The following PHACTR2 variants were observed in gnomAD, a reference collection of about 807,000 sequenced individuals.
The protein encoded by PHACTR2 is chromosome 6 open reading frame 56.
A neutral mutation model predicts 76.0 loss-of-function variants in PHACTR2; 30 were observed. The ratio of observed to expected loss-of-function variants is 0.39; its 90% CI spans 0.30 to 0.54. PHACTR2 has a LOEUF of 0.54. Ranked by LOEUF, PHACTR2 falls within the 20% of genes least tolerant of loss-of-function variation. The pLI is 0.61. For missense variants in PHACTR2, 696 were observed against 781.1 expected, an observed-to-expected ratio of 0.89 and a Z score of 1.30; for synonymous variants, 292 against 292.5, an observed-to-expected ratio of 1.00 and a Z score of 0.02.
At chr6:143,638,646 T>C (rs1421312422) in intron 1 of PHACTR2, among the ~76,000 whole-genome samples, 2 of 151,658 alleles carry the variant, frequency 1.3e-5, no homozygotes, top group Non-Finnish European at 2.9e-5. Context: ...ATATTAAGCA[T>C]TAAACACCCC....
chr6:143,736,315 A>AC (rs139290172), intron 2 of PHACTR2, among the ~76,000 whole-genome samples: 20,315 of 152,054 alleles, frequency 0.13, 1,506 homozygotes, highest in Middle Eastern at 0.21. Flanking sequence ...AAGTTAGGTA[A>AC]TCACCCTAAG....
At chr6:143,758,662 C>T (rs1167630153) in intron 4 of PHACTR2, among the ~76,000 whole-genome samples, 1 of 152,088 alleles carries the variant, frequency 6.6e-6, no homozygotes, top group African/African-American at 2.4e-5. Flanking sequence ...TACAAAATAG[C>T]TTCTGATAAA....
At chr6:143,636,353 A>G (rs1776454962) in intron 1 of PHACTR2, among the ~76,000 whole-genome samples, 2 of 152,012 alleles carry the variant, frequency 1.3e-5, no homozygotes, top group Non-Finnish European at 2.9e-5. Context: ...ATCCCCATTT[A>G]TTTTCTTTGC....
rs77325845 is a variant in PHACTR2 at position 143,696,993 on chromosome 6, A to G, written c.47-15023A>G. On this transcript the variant is annotated intron_variant, in intron 1 of 12. Transcript: ENST00000440869. The surrounding 1 kb of genome is among the most constrained non-coding windows in gnomAD (Gnocchi z 4.1). ...ATTGAACATGTTACATTGTAGAGTC[A>G]GATGTTTGCCACCACAACACTGGGC... Among the ~76,000 whole-genome samples the G allele has an allele frequency of 0.01, 1,571 of 152,296 alleles. 33 individuals are homozygous for G. Among genetic ancestry groups the G allele is most frequent in the African/African-American group, 0.036 (1,491 of 41,552 alleles).
chr6:143,663,926 T>G lies in PHACTR2; in HGVS notation c.14-48090T>G, dbSNP rs921027388. ...TTGTGTATTACATCAAGCTTGTCAA[T>G]GGGATTGTTTAAATTCATGACCTTA... On this transcript the variant is annotated intron_variant, in intron 1 of 11. Coordinates refer to the PHACTR2 transcript ENST00000305766. The surrounding 1 kb of genome is among the most constrained non-coding windows in gnomAD (Gnocchi z 4.1). 6.6e-6 allele frequency among the ~76,000 whole-genome samples: 1 copy of G among 152,284 alleles called. No individual in the cohort carries two copies. Among genetic ancestry groups the G allele is most frequent in the Non-Finnish European group, 1.5e-5 (1 of 67,978 alleles).
chr6:143,728,212 C>CTTTTTTTTTTTTTTTTTTTTTTTT (rs1778620457), intron 2 of PHACTR2, among the ~76,000 whole-genome samples: 1 of 91,898 alleles, frequency 1.1e-5, no homozygotes, highest in African/African-American at 4.7e-5. Context: ...TTTTTTTTTT[C>CTTTTTTTTTTTTTTTTTTTTTTTT]TTTCTTTTTT....
rs1775953798 is a variant in PHACTR2 at position 143,610,183 on chromosome 6, CCTCT to C, written c.13+1864_13+1867del. ...GGTAATTTTTTGATGAGGTAAGCAG[CCTCT>C]CTTACAGGAGGAAAATGTAAACATC... On this transcript the variant is annotated intron_variant, in intron 1 of 11. Coordinates refer to the PHACTR2 transcript ENST00000305766. The surrounding 1 kb of genome is among the most constrained non-coding windows in gnomAD (Gnocchi z 4.9). 6.6e-6 allele frequency among the ~76,000 whole-genome samples: 1 copy of C among 152,090 alleles called. No homozygotes were observed. The highest frequency in any genetic ancestry group is 1.5e-5 in the Non-Finnish European group (1 of 68,026).
chr6:143,630,620 GTA>G (rs1776348533), intron 1 of PHACTR2, among the ~76,000 whole-genome samples: 1 of 152,158 alleles, frequency 6.6e-6, no homozygotes. Context: ...AAAAATCATG[GTA>G]ATGAATTCAC....
intron 1 of PHACTR2, among the ~76,000 whole-genome samples, chr6:143,635,503 A>T (rs1351049567): frequency 6.6e-6 from 1 of 152,220 alleles, no homozygotes; most frequent in Non-Finnish European, 1.5e-5. Context: ...TTCCTTCTAA[A>T]TGTTTCTAAC....
In PHACTR2 at chr6:143,562,149, T is replaced by A. The variant is rs1478637261; in HGVS notation, c.217+24942T>A. 6.6e-6 allele frequency: 1 copy of A among 152,240 alleles called. No homozygotes were observed. Among genetic ancestry groups the A allele is most frequent in the Non-Finnish European group, 1.5e-5 (1 of 68,050 alleles). The allele number at this position is 152,240 out of a possible 1,614,324, so 9.4% of individuals were successfully genotyped here. On this transcript the variant is annotated intron_variant, in intron 1 of 11. Transcript: ENST00000367584. This position sits in a 1 kb window ranked among gnomAD's most constrained non-coding sequence, Gnocchi z 5.1. ...CGTAGCCTTGTCACAGTGCTCTCTG[T>A]TGTGTTGGAATAATCTGTTTACTTG...
intron 12 of PHACTR2, among the ~76,000 whole-genome samples, chr6:143,808,110 A>G (rs1582901452): frequency 2.7e-5 from 4 of 150,612 alleles, no homozygotes; most frequent in African/African-American, 9.8e-5. Context: ...TGTGGAGTCA[A>G]CTGACCACAA....
chr6:143,645,796 C>T (rs1776650584), intron 1 of PHACTR2, among the ~76,000 whole-genome samples: 1 of 152,116 alleles, frequency 6.6e-6, no homozygotes, highest in South Asian at 2.1e-4. Flanking sequence ...GTCCCTTCCT[C>T]ATAGAATACA....
chr6:143,558,869 A>G lies in PHACTR2; in HGVS notation c.217+21662A>G, dbSNP rs906764339. On this transcript the variant is annotated intron_variant, in intron 1 of 11. Coordinates refer to the PHACTR2 transcript ENST00000367584. The surrounding 1 kb of genome is among the most constrained non-coding windows in gnomAD (Gnocchi z 4.7). ...GTGATTAGGTAGCTCGAGGGCCCCT[A>G]AACACCTCCCTGATGATTGACCAGC... 1.3e-5 allele frequency among the ~76,000 whole-genome samples: 2 copies of G among 152,194 alleles called. No homozygotes were observed. The highest frequency in any genetic ancestry group is 4.8e-5 in the African/African-American group (2 of 41,442).
chr6:143,785,425 G>C (rs1285446185), intron 10 of PHACTR2, among the ~76,000 whole-genome samples: 2 of 152,198 alleles, frequency 1.3e-5, no homozygotes, highest in African/African-American at 4.8e-5. Flanking sequence ...GCAGGGTACA[G>C]CCTCCCTCTT....
In PHACTR2 at chr6:143,558,721, C is replaced by T. The variant is rs866586958; in HGVS notation, c.217+21514C>T. ...TTTTCCAATGCGAGGAGGTAGAGAT[C>T]GTTTTACAAAGTCGAGCTCATGCTC... is the stretch of plus-strand genomic sequence containing the variant. On this transcript the variant is annotated intron_variant, in intron 1 of 11. Transcript: ENST00000367584. This position sits in a 1 kb window ranked among gnomAD's most constrained non-coding sequence, Gnocchi z 4.7. 1.3e-5 allele frequency among the ~76,000 whole-genome samples: 2 copies of T among 152,268 alleles called. No homozygotes were observed. Among genetic ancestry groups the T allele is most frequent in the Non-Finnish European group, 2.9e-5 (2 of 68,020 alleles).
Position 143,712,196 on chromosome 6 carries a change from TA to T in PHACTR2, c.214+15del. On this transcript the variant is annotated intron_variant, in intron 2 of 12. Coordinates refer to ENST00000440869, the MANE Select transcript of PHACTR2 (RefSeq NM_001100164.2). Reference sequence around the variant, plus strand: ...GAAACCTCGGCAGGTATGAGTATCATAACTTGTTAGAAGATGGGATAAATTG... The same window carrying T: ...GAAACCTCGGCAGGTATGAGTATCATACTTGTTAGAAGATGGGATAAATTG... 1 of 1,422,356 alleles carries T rather than the reference TA, an allele frequency of 7.0e-7. No individual in the cohort carries two copies. Among genetic ancestry groups the T allele is most frequent in the Non-Finnish European group, 9.3e-7 (1 of 1,079,598 alleles). 88.1% of individuals were successfully genotyped at this position (1,422,356 alleles called of 1,614,324 possible).
At chr6:143,552,495 T>C (rs1775107622) in intron 1 of PHACTR2, among the ~76,000 whole-genome samples, 1 of 152,206 alleles carries the variant, frequency 6.6e-6, no homozygotes, top group Non-Finnish European at 1.5e-5. Flanking sequence ...GTGAAGCAAG[T>C]ACTCTTCACC....
chr6:143,549,467 G>T lies in PHACTR2; in HGVS notation c.217+12260G>T, dbSNP rs937350375. 6.6e-6 allele frequency among the ~76,000 whole-genome samples: 1 copy of T among 151,848 alleles called. No homozygotes were observed. Among genetic ancestry groups the T allele is most frequent in the Admixed American group, 6.6e-5 (1 of 15,224 alleles). On this transcript the variant is annotated intron_variant, in intron 1 of 11. Transcript: ENST00000367584. This position sits in a 1 kb window ranked among gnomAD's most constrained non-coding sequence, Gnocchi z 4.2. Reference sequence around the variant, plus strand: ...CTGGATTTATTGTTTTTTTATGGGGGTGACTGCTCCTTAGGCAGCTGACAC... The same window carrying T: ...CTGGATTTATTGTTTTTTTATGGGGTTGACTGCTCCTTAGGCAGCTGACAC...
Position 143,662,823 on chromosome 6 carries a change from T to C in PHACTR2, c.14-49193T>C, listed in dbSNP as rs1439911579. Among the ~76,000 whole-genome samples, 3 of 152,194 alleles carry C rather than the reference T, an allele frequency of 2.0e-5. No individual in the cohort carries two copies. The highest frequency in any genetic ancestry group is 6.5e-5 in the Admixed American group (1 of 15,282). ...ATGGGTGTATATTGCACCCAGACAG[T>C]GAGCAGAGTACCCAATAGGTAGTTT... On this transcript the variant is annotated intron_variant, in intron 1 of 11. Transcript: ENST00000305766. This position sits in a 1 kb window ranked among gnomAD's most constrained non-coding sequence, Gnocchi z 4.7.
Sources: gnomAD v4.1 joint callset for allele counts (sites outside exome capture counted in the v4.1 genomes callset) on GRCh38, gnomAD v4.1.1 for gene constraint, Gnocchi (gnomAD v3.1) non-coding constraint, MANE v1.5 for transcripts, NCBI Gene and HGNC (gene_info 2026-07-23, HGNC 2026-07-21) for gene names.